Variants in HDAC9 observed in about 807,000 individuals in gnomAD.
The protein encoded by HDAC9 is MEF-2 interacting transcription repressor (MITR) protein.
A neutral mutation model predicts 139.4 loss-of-function variants in HDAC9; 41 were observed. The ratio of observed to expected loss-of-function variants is 0.29; its 90% confidence interval spans 0.23 to 0.38. HDAC9 has a LOEUF of 0.38. Among genes scored for constraint, HDAC9 ranks in the 10% least tolerant of loss-of-function variants. The pLI, the probability that HDAC9 is intolerant of heterozygous loss-of-function variation, is 1.00. For missense variants in HDAC9, 1,147 were observed against 1,297.0 expected (o/e 0.88, Z 1.78); for synonymous variants, 517 against 476.2 (o/e 1.09, Z -1.12).
At chr7:18,349,610 T>C (rs978362053) in intron 1 of HDAC9, among the ~76,000 whole-genome samples, 2 of 152,054 alleles carry the variant, frequency 1.3e-5, no homozygotes, top group African/African-American at 4.8e-5. Flanking sequence ...TTAGTAATTT[T>C]ATAATTTTCA....
chr7:18,782,965 A>G (rs1340775491), intron 16 of HDAC9, among the ~76,000 whole-genome samples: 2 of 152,114 alleles, frequency 1.3e-5, no homozygotes, highest in Non-Finnish European at 2.9e-5. Flanking sequence ...CCAAATGTCA[A>G]TGATGTCCTT....
rs1046735304 is a variant in HDAC9 at position 18,136,443 on chromosome 7, C to T, written c.-96-25786C>T. On this transcript the variant is annotated intron_variant, in intron 1 of 12. Coordinates refer to the HDAC9 transcript ENST00000417496. ...AGGGTTTTTATGGTTTTAGGTCTAA[C>T]GTTTAAGTCTTTAATCCATCTTGAA... 9.2e-5 allele frequency among the ~76,000 whole-genome samples: 14 copies of T among 151,924 alleles called. No individual in the cohort carries two copies. The South Asian group carries it at 2.3e-3, about 25-fold the overall frequency.
chr7:18,958,563 A>C (rs1783316474), intron 24 of HDAC9, among the ~76,000 whole-genome samples: 1 of 152,146 alleles, frequency 6.6e-6, no homozygotes, highest in Admixed American at 6.6e-5. Flanking sequence ...AATACGTGGC[A>C]ACTTAGCACA....
chr7:18,547,857 T>TTCCTCCCC (rs1563229989), intron 2 of HDAC9, among the ~76,000 whole-genome samples: 1 of 118,458 alleles, frequency 8.4e-6, no homozygotes, highest in Non-Finnish European at 1.7e-5. Context: ...CCTTCCTTCC[T>TTCCTCCCC]ACCCTCCCTC....
At chr7:18,864,413 G>A (rs965646973) in intron 21 of HDAC9, among the ~76,000 whole-genome samples, 8 of 151,878 alleles carry the variant, frequency 5.3e-5, no homozygotes, top group Non-Finnish European at 7.4e-5. Context: ...TAAAGTTTCA[G>A]TTATGTAGGA....
At chr7:18,153,467 G>A (rs968634467) in intron 1 of HDAC9, among the ~76,000 whole-genome samples, 2 of 152,146 alleles carry the variant, frequency 1.3e-5, no homozygotes, top group African/African-American at 4.8e-5. Context: ...ATCAGAGGCT[G>A]AAGTGAAGTT....
chr7:18,303,110 T>C (rs145921771), intron 1 of HDAC9, among the ~76,000 whole-genome samples: 73 of 152,264 alleles, frequency 4.8e-4, no homozygotes, highest in Non-Finnish European at 9.3e-4. Flanking sequence ...AGAACACCAG[T>C]TAATATAAAG....
intron 2 of HDAC9, among the ~76,000 whole-genome samples, chr7:18,274,228 A>G (rs570262911): frequency 3.3e-4 from 50 of 152,206 alleles, no homozygotes; most frequent in Non-Finnish European, 6.0e-4. Flanking sequence ...CTGAGGCTGG[A>G]TAATTTATTT....
chr7:18,624,206 C>G (rs1841014179), intron 6 of HDAC9, among the ~76,000 whole-genome samples: 1 of 152,172 alleles, frequency 6.6e-6, no homozygotes, highest in Non-Finnish European at 1.5e-5. Context: ...GTTTTATTCT[C>G]ATACCTGCCA....
rs544449783 is a variant in HDAC9, at chr7:18,655,234, G to A, written c.1467+6551G>A. ...TTTCTCTCCATCCATTTGACAGCTT[G>A]TTTCCATGCAGGGTCTTTTAATCAC... On this transcript the variant is annotated intron_variant, in intron 11 of 25. Transcript: ENST00000686413. Among the ~76,000 whole-genome samples, 10 of 152,228 alleles carry A rather than the reference G, an allele frequency of 6.6e-5. 1 individual carries two copies. The South Asian group carries it at 1.4e-3, about 22-fold the overall frequency.
At chr7:18,776,704 T>C (rs532433035) in intron 16 of HDAC9, among the ~76,000 whole-genome samples, 2 of 152,014 alleles carry the variant, frequency 1.3e-5, no homozygotes, top group Admixed American at 1.3e-4. Context: ...CTTTTTTGGA[T>C]ATTAGGATAG....
rs547713128 is a variant in HDAC9 at position 18,709,184 on chromosome 7, G to A, written c.1732-18396G>A. Among the ~76,000 whole-genome samples the A allele has an allele frequency of 4.6e-5, 7 of 150,972 alleles. No individual in the cohort carries two copies. The East Asian group carries it at 5.9e-4, about 13-fold the overall frequency. ...CCTATTGACACATTCTCTATGTTTC[G>A]TCCCCTCACTCTCTACCTCCCCAGC... On this transcript the variant is annotated intron_variant, in intron 12 of 25. Transcript: ENST00000686413.
At chr7:18,265,738 A>G (rs575324355) in intron 2 of HDAC9, among the ~76,000 whole-genome samples, 1 of 152,274 alleles carries the variant, frequency 6.6e-6, no homozygotes, top group African/African-American at 2.4e-5. Context: ...CATTGTTGCA[A>G]ATAGCTTTGA....
intron 2 of HDAC9, among the ~76,000 whole-genome samples, chr7:18,572,253 CATTTGAAATAGCT>C (rs1186420831): frequency 6.8e-6 from 1 of 146,422 alleles, no homozygotes. Context: ...TTTTGTTAGT[CATTTGAAATAGCT>C]ATTTGAAATA....
intron 11 of HDAC9, among the ~76,000 whole-genome samples, chr7:18,658,833 G>A (rs1391644283): frequency 6.8e-6 from 1 of 147,802 alleles, no homozygotes. Context: ...AGTTTCCTTG[G>A]AGCTTAAGGG....
chr7:18,843,858 T>A (rs148923226), intron 21 of HDAC9, among the ~76,000 whole-genome samples: 2 of 152,284 alleles, frequency 1.3e-5, no homozygotes, highest in African/African-American at 4.8e-5. Context: ...GTATTAAAAT[T>A]TACATATTGA....
At chr7:18,553,859 A>T (rs569063912) in intron 2 of HDAC9, among the ~76,000 whole-genome samples, 33 of 152,280 alleles carry the variant, frequency 2.2e-4, no homozygotes, top group African/African-American at 7.9e-4. Context: ...GAAGAGAGTT[A>T]TAGGTGTGAT....
chr7:18,353,528 C>G (rs894568390), intron 1 of HDAC9, among the ~76,000 whole-genome samples: 1 of 152,168 alleles, frequency 6.6e-6, no homozygotes, highest in African/African-American at 2.4e-5. Flanking sequence ...AATGCCGATT[C>G]TTGCTGCTGA....
At chr7:18,469,049 T>C (rs1794525290) in intron 1 of HDAC9, among the ~76,000 whole-genome samples, 1 of 152,228 alleles carries the variant, frequency 6.6e-6, no homozygotes, top group Non-Finnish European at 1.5e-5. Flanking sequence ...CTACTCTACA[T>C]TGATTCAGAC....
Sources: gnomAD v4.1 joint callset for allele counts (sites outside exome capture counted in the v4.1 genomes callset) on GRCh38, gnomAD v4.1.1 for gene constraint, MANE v1.5 for transcripts, NCBI Gene and HGNC (gene_info 2026-07-23, HGNC 2026-07-21) for gene names.